Variants in NAAA observed in about 807,000 individuals in gnomAD.
The protein encoded by NAAA is N-acylethanolamine-hydrolyzing acid amidase.
In NAAA, 39 loss-of-function variants were observed where a neutral mutation model predicts 44.8. The observed-to-expected ratio is 0.87, with a 90% confidence interval of 0.67 to 1.14. The LOEUF is 1.14. Among genes scored for constraint, NAAA ranks in the 50% most tolerant of loss-of-function variants. The probability of loss-of-function intolerance (pLI) is 0.00; values close to 1 mark genes in which losing one functional copy is unlikely to be tolerated. For synonymous variants in NAAA, 178 were observed against 191.3 expected, an observed-to-expected ratio of 0.93 and a Z score of 0.58; for missense variants, 460 against 467.8, an observed-to-expected ratio of 0.98 and a Z score of 0.15.
rs1377524764 is a variant in NAAA at position 75,918,143 on chromosome 4, C to T, written c.998+618G>A. ...TCTAGTTTGACAACACTATGGAAGG[C>T]CAAGTTTGAATTTAAGATTCCCAGA... On this transcript the variant is annotated intron_variant, in intron 9 of 10. Transcript: ENST00000286733. Among the ~76,000 whole-genome samples, 3 of 152,236 alleles carry T rather than the reference C, an allele frequency of 2.0e-5. No individual in the cohort carries two copies. In the East Asian group the frequency reaches 5.8e-4, roughly 29 times the overall value.
At chr4:75,911,729 G>T (rs1725331903), downstream of NAAA, among the ~76,000 whole-genome samples, 5 of 152,120 alleles carry the variant, frequency 3.3e-5, 1 homozygote, top group Admixed American at 2.6e-4. Flanking sequence ...AGGAACAATT[G>T]GGGAAGTCAC....
At chr4:75,937,745 C>G (rs1259714124) in intron 2 of NAAA, among the ~76,000 whole-genome samples, 1 of 152,222 alleles carries the variant, frequency 6.6e-6, no homozygotes. Flanking sequence ...ACCTCAGCCT[C>G]CCAAAATGCT....
At chr4:75,940,186 G>A in intron 1 of NAAA, 21 bp from the exon 2 acceptor site, 1 of 1,609,940 alleles carries the variant, frequency 6.2e-7, no homozygotes, top group Non-Finnish European at 8.5e-7. Flanking sequence ...AAAGCACAAG[G>A]GCGTCTGACC....
Position 75,914,194 on chromosome 4 carries a change from C to T in NAAA, c.*181G>A, listed in dbSNP as rs1338468700. 1.0e-6 allele frequency: 1 copy of T among 985,704 alleles called. No homozygotes were observed. Among genetic ancestry groups the T allele is most frequent in the African/African-American group, 1.7e-5 (1 of 57,224 alleles). 61.1% of individuals were successfully genotyped at this position (985,704 alleles called of 1,614,324 possible). A position where few individuals can be genotyped will look rare whatever the true frequency, so the allele number is the denominator to read the frequency against. ...TGCCCATTACTGGCTTTACCACAAA[C>T]TCCAAATCTCCTGGACCCACTTCGC... is the stretch of plus-strand genomic sequence containing the variant. On this transcript the variant is annotated 3_prime_UTR_variant, in exon 11 of 11. Coordinates refer to ENST00000286733, the MANE Select transcript of NAAA (RefSeq NM_014435.4).
intron 4 of NAAA, among the ~76,000 whole-genome samples, chr4:75,929,248 C>A (rs896305191): frequency 1.3e-5 from 2 of 152,188 alleles, no homozygotes; most frequent in Non-Finnish European, 1.5e-5. Flanking sequence ...TCCCCATGCC[C>A]TGTGGCATTC....
At chr4:75,912,797 G>C (rs1398156632), downstream of NAAA, among the ~76,000 whole-genome samples, 1 of 152,056 alleles carries the variant, frequency 6.6e-6, no homozygotes, top group East Asian at 1.9e-4. Flanking sequence ...CTAATGAGTA[G>C]AAATTTCTAG....
Position 75,939,986 on chromosome 4 carries a change from G to A in NAAA, c.371+15C>T. The A allele has an allele frequency of 6.2e-7, 1 of 1,612,904 alleles. No homozygotes were observed. Among genetic ancestry groups the A allele is most frequent in the Non-Finnish European group, 8.5e-7 (1 of 1,179,414 alleles). On this transcript the variant is annotated intron_variant, in intron 2 of 10. Transcript: ENST00000286733. Reference sequence around the variant, plus strand: ...GCAAGCCCCGCGTTACTCCGCGCGGGCTTGGGGCACTCACACGGAGGACTC... The same window carrying A: ...GCAAGCCCCGCGTTACTCCGCGCGGACTTGGGGCACTCACACGGAGGACTC...
chr4:75,938,019 C>T (rs1178069634), intron 2 of NAAA, among the ~76,000 whole-genome samples: 3 of 152,168 alleles, frequency 2.0e-5, no homozygotes, highest in African/African-American at 4.8e-5. Context: ...GGCACTGCAG[C>T]GAACTGGAGA....
chr4:75,927,795 C>A (rs200089072), intron 4 of NAAA, among the ~76,000 whole-genome samples: 27 of 149,298 alleles, frequency 1.8e-4, no homozygotes, highest in South Asian at 1.1e-3. Context: ...TCAAAACAAA[C>A]AAAAAAAAAT....
intron 2 of NAAA, chr4:75,939,667 G>C (rs1728053087): frequency 4.1e-6 from 1 of 244,044 alleles, no homozygotes; most frequent in Admixed American, 4.6e-5. Context: ...TGCCCACCTT[G>C]GCCTCCCAAA....
At chr4:75,927,650 CA>C (rs138766256) in intron 4 of NAAA, among the ~76,000 whole-genome samples, 2 of 100,656 alleles carry the variant, frequency 2.0e-5, no homozygotes, top group Non-Finnish European at 2.0e-5. Context: ...CCCCCCCCGC[CA>C]AAAAAAATAG....
chr4:75,922,876 T>C (rs1239014527), intron 5 of NAAA, among the ~76,000 whole-genome samples: 3 of 152,134 alleles, frequency 2.0e-5, no homozygotes, highest in Non-Finnish European at 2.9e-5. Flanking sequence ...CTCTAACCTG[T>C]GACAGCAAAG....
chr4:75,918,859 AGGGCC>A, intron 8 of NAAA, 70 bp from the exon 9 acceptor site: 1 of 1,444,756 alleles, frequency 6.9e-7, no homozygotes, highest in Non-Finnish European at 9.7e-7. Context: ...ATATCTATGG[AGGGCC>A]GGGTGCAGTG....
chr4:75,918,859 AG>A, intron 8 of NAAA, 70 bp from the exon 9 acceptor site: 2 of 1,444,756 alleles, frequency 1.4e-6, no homozygotes, highest in Non-Finnish European at 1.9e-6. Flanking sequence ...ATATCTATGG[AG>A]GGCCGGGTGC....
chr4:75,940,096 G>T lies in NAAA; in HGVS notation c.276C>A (p.Pro92=). The T allele has an allele frequency of 1.9e-6, 3 of 1,614,114 alleles. No homozygotes were observed. Among genetic ancestry groups the T allele is most frequent in the Non-Finnish European group, 2.5e-6 (3 of 1,180,038 alleles). ...CGCGGATCTCGCCGGTGAAGGGCTG[G>T]GGCAGGAAGCGCTCCAGCTCCAGGA... The part of the protein sequence containing the change: ...KVVLELERFL[P]QPFTGEIRGM... The change falls in exon 2 of 11, where the codon CCC becomes CCA. Residue 92 remains proline (P), a synonymous_variant. Coordinates refer to ENST00000286733, the MANE Select transcript of NAAA (RefSeq NM_014435.4).
chr4:75,922,273 G>A (rs774434460), intron 5 of NAAA, among the ~76,000 whole-genome samples: 2 of 151,926 alleles, frequency 1.3e-5, no homozygotes, highest in Non-Finnish European at 2.9e-5. Context: ...GCTATGCAGG[G>A]AGGCTGAGGT....
chr4:75,936,060 G>C, intron 3 of NAAA, 49 bp downstream of exon 3: 2 of 1,607,690 alleles, frequency 1.2e-6, no homozygotes, highest in East Asian at 2.2e-5. Context: ...CTGCTAACTT[G>C]AGTTTGCAAA....
chr4:75,926,708 T>C (rs56300358), intron 4 of NAAA, among the ~76,000 whole-genome samples: 44,907 of 151,910 alleles, frequency 0.3, 6,823 homozygotes, highest in East Asian at 0.43. Flanking sequence ...CATTCCAATT[T>C]AAAAATGGGC....
intron 5 of NAAA, among the ~76,000 whole-genome samples, chr4:75,921,554 G>C (rs1298133842): frequency 6.6e-6 from 1 of 152,196 alleles, no homozygotes; most frequent in Non-Finnish European, 1.5e-5. Flanking sequence ...AAGCCTCTGA[G>C]GAAGACAGAA....
Sources: allele counts gnomAD v4.1 joint callset (sites outside exome capture counted in the v4.1 genomes callset), GRCh38; gene constraint gnomAD v4.1.1; transcripts MANE v1.5; gene names NCBI Gene and HGNC (gene_info 2026-07-23, HGNC 2026-07-21).